Variants in TRPM3 observed in about 807,000 individuals in gnomAD.
TRPM3 encodes the protein transient receptor potential cation channel subfamily M member 3.
A neutral mutation model predicts 181.2 loss-of-function variants in TRPM3; 77 were observed. That is an observed-to-expected ratio of 0.42 (90% CI 0.35 to 0.51). TRPM3 has a LOEUF of 0.51. Among genes scored for constraint, TRPM3 ranks in the 20% least tolerant of loss-of-function variants. The pLI is 0.01. For synonymous variants in TRPM3, 745 were observed against 796.4 expected (o/e 0.94, Z 1.09); for missense variants, 1,759 against 2,196.7 (o/e 0.80, Z 3.98).
intron 1 of TRPM3, among the ~76,000 whole-genome samples, chr9:70,904,826 A>G (rs1010200374): frequency 6.6e-6 from 1 of 152,234 alleles, no homozygotes; most frequent in African/African-American, 2.4e-5. Flanking sequence ...TCATTGAACA[A>G]TGGTTTCTTT....
chr9:70,632,782 C>CTTGT (rs2066121375), intron 12 of TRPM3, among the ~76,000 whole-genome samples: 3 of 152,042 alleles, frequency 2.0e-5, no homozygotes, highest in Admixed American at 1.3e-4. Context: ...CCTGTTCTTT[C>CTTGT]TTGTTAGTCT....
At chr9:70,993,386 A>G (rs2097507409) in intron 1 of TRPM3, among the ~76,000 whole-genome samples, 2 of 152,132 alleles carry the variant, frequency 1.3e-5, no homozygotes, top group African/African-American at 2.4e-5. Flanking sequence ...AGAGTTAACA[A>G]TATTTTCTAA....
At chr9:70,588,249 C>G (rs186550039) in intron 22 of TRPM3, among the ~76,000 whole-genome samples, 1 of 151,994 alleles carries the variant, frequency 6.6e-6, no homozygotes, top group African/African-American at 2.4e-5. Context: ...GTGTTTAGAA[C>G]AAATAACAGA....
intron 22 of TRPM3, among the ~76,000 whole-genome samples, chr9:70,553,637 T>C (rs1209554435): frequency 1.3e-5 from 2 of 152,256 alleles, no homozygotes; most frequent in East Asian, 1.9e-4. Flanking sequence ...TGAAGCCTGA[T>C]TGAGAACTTT....
intron 1 of TRPM3, among the ~76,000 whole-genome samples, chr9:71,363,156 C>A (rs1170301841): frequency 6.6e-6 from 1 of 152,170 alleles, no homozygotes; most frequent in East Asian, 1.9e-4. Flanking sequence ...TGGAACCCAA[C>A]AAATTACTAC....
chr9:71,076,496 C>G (rs1329364484), intron 1 of TRPM3, among the ~76,000 whole-genome samples: 1 of 152,146 alleles, frequency 6.6e-6, no homozygotes, highest in Non-Finnish European at 1.5e-5. Context: ...AGGAATATAC[C>G]TCTGCCAGTC....
intron 1 of TRPM3, among the ~76,000 whole-genome samples, chr9:71,226,241 AT>A (rs1305915340): frequency 3.3e-5 from 5 of 152,070 alleles, no homozygotes; most frequent in African/African-American, 1.2e-4. Flanking sequence ...AATCACCTTC[AT>A]TAAAAGGAAG....
At chr9:71,307,765 A>G (rs1296350490) in intron 1 of TRPM3, among the ~76,000 whole-genome samples, 2 of 152,166 alleles carry the variant, frequency 1.3e-5, no homozygotes, top group Admixed American at 1.3e-4. Flanking sequence ...TTATCTCAGC[A>G]AAGTTTTACA....
intron 1 of TRPM3, among the ~76,000 whole-genome samples, chr9:70,954,201 C>A (rs1157086215): frequency 6.6e-6 from 1 of 152,092 alleles, no homozygotes; most frequent in South Asian, 2.1e-4. Context: ...AGACTATGAC[C>A]ACCTCTCTCC....
At chr9:70,893,997 T>C (rs1187013981) in intron 1 of TRPM3, among the ~76,000 whole-genome samples, 1 of 152,074 alleles carries the variant, frequency 6.6e-6, no homozygotes. Flanking sequence ...ATATGGGAAA[T>C]AGCAATATAT....
chr9:70,956,202 A>T (rs2097068594), intron 1 of TRPM3, among the ~76,000 whole-genome samples: 1 of 152,092 alleles, frequency 6.6e-6, no homozygotes, highest in Non-Finnish European at 1.5e-5. Context: ...TACTTATATG[A>T]ATAAATGGAG....
chr9:71,106,563 A>G (rs949643158), intron 1 of TRPM3, among the ~76,000 whole-genome samples: 9 of 152,144 alleles, frequency 5.9e-5, no homozygotes, highest in Non-Finnish European at 1.3e-4. Flanking sequence ...AGCTTCCTAT[A>G]TAGCCTGCAG....
At chr9:70,878,476 G>A (rs1326969428) in intron 1 of TRPM3, among the ~76,000 whole-genome samples, 1 of 151,912 alleles carries the variant, frequency 6.6e-6, no homozygotes, top group Non-Finnish European at 1.5e-5. Context: ...TTTCTGAGGA[G>A]GTACAAGGCT....
chr9:70,852,732 C>T (rs1294197149), intron 3 of TRPM3, among the ~76,000 whole-genome samples: 1 of 152,132 alleles, frequency 6.6e-6, no homozygotes, highest in Non-Finnish European at 1.5e-5. Context: ...TCAGCATCCC[C>T]TATAACTTGA....
At chr9:71,391,012 A>G (rs745739898) in intron 1 of TRPM3, among the ~76,000 whole-genome samples, 2 of 151,988 alleles carry the variant, frequency 1.3e-5, no homozygotes, top group African/African-American at 4.8e-5. Flanking sequence ...AGTCAGAGAT[A>G]CTTATTATGT....
rs140382567 is a variant in TRPM3, at chr9:70,581,154, G to A, written c.3223+9877C>T. ...TGTCCAGTGTAAAATGAAAGCCCAC[G>A]TAACCACAGCCTGGGCCAAGAAATA... is the stretch of plus-strand genomic sequence containing the variant. On this transcript the variant is annotated intron_variant, in intron 22 of 25. Transcript: ENST00000677713. Among the ~76,000 whole-genome samples the A allele has an allele frequency of 5.9e-5, 9 of 152,320 alleles. No homozygotes were observed. In the East Asian group the frequency reaches 1.2e-3, roughly 20 times the overall value.
chr9:70,694,759 C>T (rs1239205128), intron 8 of TRPM3, among the ~76,000 whole-genome samples: 1 of 152,230 alleles, frequency 6.6e-6, no homozygotes, highest in South Asian at 2.1e-4. Flanking sequence ...GGATTACAGG[C>T]GTAAGCCACC....
At chr9:70,923,662 C>T (rs2133313732) in intron 1 of TRPM3, among the ~76,000 whole-genome samples, 1 of 151,862 alleles carries the variant, frequency 6.6e-6, no homozygotes, top group East Asian at 1.9e-4. Context: ...AAATGTGTTT[C>T]CTAAGAACTT....
chr9:70,925,211 T>A (rs1442845513), intron 1 of TRPM3, among the ~76,000 whole-genome samples: 1 of 152,160 alleles, frequency 6.6e-6, no homozygotes, highest in Admixed American at 6.6e-5. Flanking sequence ...CCAGGTTGCT[T>A]AAGGGCGTTC....
Sources: allele counts gnomAD v4.1 joint callset (sites outside exome capture counted in the v4.1 genomes callset), GRCh38; gene constraint gnomAD v4.1.1; transcripts MANE v1.5; gene names NCBI Gene and HGNC (gene_info 2026-07-23, HGNC 2026-07-21).